Variants in ANKFN1 observed in about 807,000 individuals in gnomAD.
ANKFN1 encodes the protein ankyrin repeat and fibronectin type-III domain-containing protein 1.
ANKFN1 carries 74 observed loss-of-function variants against 108.7 expected under a neutral mutation model. The observed-to-expected ratio is 0.68, with a 90% CI of 0.56 to 0.83. The LOEUF is 0.83. Ranked by LOEUF, ANKFN1 falls within the 40% of genes least tolerant of loss-of-function variation. ANKFN1 has a pLI of 0.00. For missense variants in ANKFN1, 1,505 were observed against 1,382.3 expected (o/e 1.09, Z -1.41); for synonymous variants, 547 against 516.2 (o/e 1.06, Z -0.81).
At chr17:56,387,460 G>A (rs1262419461) in intron 8 of ANKFN1, among the ~76,000 whole-genome samples, 1 of 152,142 alleles carries the variant, frequency 6.6e-6, no homozygotes, top group Non-Finnish European at 1.5e-5. Flanking sequence ...ATTTTATCTG[G>A]TGTATTTTTA....
At chr17:56,182,623 GA>G (rs1911796271) in intron 1 of ANKFN1, among the ~76,000 whole-genome samples, 1 of 152,208 alleles carries the variant, frequency 6.6e-6, no homozygotes, top group Non-Finnish European at 1.5e-5. Context: ...AATGCAAAGT[GA>G]GGCAGCAAGT....
At chr17:56,195,107 A>G (rs1165455770) in intron 1 of ANKFN1, among the ~76,000 whole-genome samples, 1 of 152,162 alleles carries the variant, frequency 6.6e-6, no homozygotes, top group African/African-American at 2.4e-5. Context: ...TGATCAACCT[A>G]TTTGAACAGT....
At chr17:56,171,317 A>G (rs1419906871) in intron 1 of ANKFN1, among the ~76,000 whole-genome samples, 2 of 152,102 alleles carry the variant, frequency 1.3e-5, no homozygotes, top group Admixed American at 1.3e-4. Flanking sequence ...GGAAGGAACA[A>G]TGTACAGACG....
At chr17:56,348,769 A>G (rs78553246) in intron 4 of ANKFN1, among the ~76,000 whole-genome samples, 1,753 of 152,254 alleles carry the variant, frequency 0.012, 32 homozygotes, top group African/African-American at 0.04. Flanking sequence ...TGGAGAAAAC[A>G]AAACACTTTT....
At chr17:56,181,456 T>C (rs1280613229) in intron 1 of ANKFN1, among the ~76,000 whole-genome samples, 1 of 152,212 alleles carries the variant, frequency 6.6e-6, no homozygotes, top group East Asian at 1.9e-4. Flanking sequence ...GTTATGTGTC[T>C]GTTTTACAGA....
At chr17:56,320,044 A>G (rs962784539) in intron 3 of ANKFN1, among the ~76,000 whole-genome samples, 3 of 152,162 alleles carry the variant, frequency 2.0e-5, no homozygotes, top group African/African-American at 4.8e-5. Flanking sequence ...CACATAAACA[A>G]GCTGATTAAT....
upstream of ANKFN1, among the ~76,000 whole-genome samples, chr17:56,149,782 A>T (rs149051003): frequency 6.6e-6 from 1 of 152,226 alleles, no homozygotes. Context: ...CACACCTGGC[A>T]TGGCAATCCT....
intron 3 of ANKFN1, among the ~76,000 whole-genome samples, chr17:56,322,593 A>G (rs1048993069): frequency 2.0e-5 from 3 of 152,114 alleles, no homozygotes; most frequent in African/African-American, 7.2e-5. Context: ...ACTCCAGTAC[A>G]CTGGACTACT....
intron 1 of ANKFN1, among the ~76,000 whole-genome samples, chr17:56,192,135 A>G (rs1912998651): frequency 6.6e-6 from 1 of 151,812 alleles, no homozygotes; most frequent in Non-Finnish European, 1.5e-5. Context: ...AACCTGAGAA[A>G]AACAAGCAAT....
intron 3 of ANKFN1, among the ~76,000 whole-genome samples, chr17:56,301,231 C>T (rs1410134342): frequency 6.6e-6 from 1 of 152,198 alleles, no homozygotes; most frequent in African/African-American, 2.4e-5. Context: ...TGACCTGCAT[C>T]AGCTCCACGT....
In ANKFN1 at chr17:56,351,674, C is replaced by A. The variant is rs183457133; in HGVS notation, c.390+707C>A. Among the ~76,000 whole-genome samples, 416 of 152,266 alleles carry A rather than the reference C, an allele frequency of 2.7e-3. 1 individual carries two copies. The highest frequency in any genetic ancestry group is 9.6e-3 in the African/African-American group (400 of 41,570). ...AGGAGGAATGAATATTCACCTGTTGCTCAGTCCTCTGGACCTTGTAGATGT... is the reference window on the plus strand; with the variant it reads ...AGGAGGAATGAATATTCACCTGTTGATCAGTCCTCTGGACCTTGTAGATGT... On this transcript the variant is annotated intron_variant, in intron 5 of 20. Coordinates refer to ENST00000682825, the MANE Select transcript of ANKFN1 (RefSeq NM_001370326.1).
intron 4 of ANKFN1, among the ~76,000 whole-genome samples, chr17:56,055,596 T>TATATATATATATACAC (rs768200056): frequency 1.5e-5 from 2 of 130,612 alleles, no homozygotes; most frequent in African/African-American, 3.1e-5. Flanking sequence ...TATGTATATA[T>TATATATATATATACAC]ACACATTTTT....
chr17:56,185,388 A>T (rs1202737041), intron 1 of ANKFN1, among the ~76,000 whole-genome samples: 1 of 152,180 alleles, frequency 6.6e-6, no homozygotes, highest in African/African-American at 2.4e-5. Context: ...AGTTTTAATT[A>T]TTTTGCCATA....
intron 4 of ANKFN1, among the ~76,000 whole-genome samples, chr17:56,139,337 G>A (rs559883115): frequency 3.3e-5 from 5 of 152,170 alleles, no homozygotes; most frequent in Non-Finnish European, 2.9e-5. Flanking sequence ...CCCAAACATA[G>A]CACTTATTAA....
intron 1 of ANKFN1, among the ~76,000 whole-genome samples, chr17:56,156,021 A>G (rs1407688962): frequency 6.6e-6 from 1 of 150,444 alleles, no homozygotes; most frequent in African/African-American, 2.5e-5. Context: ...CTATTGTGTA[A>G]TTTGGGCAAG....
At chr17:56,299,071 G>A (rs2044598853) in intron 3 of ANKFN1, among the ~76,000 whole-genome samples, 1 of 152,216 alleles carries the variant, frequency 6.6e-6, no homozygotes, top group Admixed American at 6.5e-5. Flanking sequence ...AGCACTGTGA[G>A]ATGCTCACAC....
chr17:56,396,868 C>T (rs1411731028), intron 8 of ANKFN1, among the ~76,000 whole-genome samples: 1 of 152,018 alleles, frequency 6.6e-6, no homozygotes, highest in Non-Finnish European at 1.5e-5. Context: ...CACTATCCCA[C>T]CAGCTTTTCC....
intron 8 of ANKFN1, 133 bp downstream of exon 8, chr17:56,374,847 G>T (rs2092381187): frequency 4.5e-5 from 31 of 695,838 alleles, no homozygotes; most frequent in Non-Finnish European, 2.4e-6. Flanking sequence ...TTTTGAAGTT[G>T]AAATATTTCC....
chr17:56,237,228 G>T (rs1917221103), intron 3 of ANKFN1, among the ~76,000 whole-genome samples: 1 of 152,124 alleles, frequency 6.6e-6, no homozygotes, highest in African/African-American at 2.4e-5. Context: ...TTTTGTTGTT[G>T]TTGTGTCTCT....
Sources: gnomAD v4.1 joint callset for allele counts (sites outside exome capture counted in the v4.1 genomes callset) on GRCh38, gnomAD v4.1.1 for gene constraint, MANE v1.5 for transcripts, NCBI Gene and HGNC (gene_info 2026-07-23, HGNC 2026-07-21) for gene names.